The following DPF3 variants were observed in gnomAD, a reference collection of about 807,000 sequenced individuals.
DPF3 encodes the protein double PHD fingers 3.
A neutral mutation model predicts 56.8 loss-of-function variants in DPF3; 18 were observed. That is an observed-to-expected ratio of 0.32 (90% confidence interval 0.22 to 0.47). The LOEUF (loss-of-function observed/expected upper bound fraction) is 0.47, where lower values mean the gene tolerates loss of function less well. Ranked by LOEUF, DPF3 falls within the 20% of genes least tolerant of loss-of-function variation. The pLI is 1.00. For missense variants in DPF3, 403 were observed against 488.8 expected, an observed-to-expected ratio of 0.82 and a Z score of 1.65; for synonymous variants, 188 against 180.2, an observed-to-expected ratio of 1.04 and a Z score of -0.35.
At chr14:72,661,916 T>C in intron 8 of DPF3, 1 of 983,730 alleles carries the variant, frequency 1.0e-6, no homozygotes, top group Non-Finnish European at 1.2e-6. Context: ...TTCGAATCTA[T>C]TGAACTTGAG....
chr14:72,633,067 C>T (rs1404257463), intron 8 of DPF3, among the ~76,000 whole-genome samples: 1 of 152,106 alleles, frequency 6.6e-6, no homozygotes, highest in African/African-American at 2.4e-5. Context: ...CAGGACTTGA[C>T]TATTGTTTGA....
intron 8 of DPF3, among the ~76,000 whole-genome samples, chr14:72,657,010 C>A (rs534482664): frequency 6.6e-6 from 1 of 152,254 alleles, no homozygotes; most frequent in African/African-American, 2.4e-5. Flanking sequence ...CTCCACCATC[C>A]AAGGAAGAAC....
chr14:72,736,203 T>C (rs765450647), intron 3 of DPF3, among the ~76,000 whole-genome samples: 19 of 152,218 alleles, frequency 1.2e-4, no homozygotes, highest in Non-Finnish European at 2.6e-4. Context: ...AACATTACCA[T>C]TCAACATGAA....
At chr14:72,830,948 T>C (rs1249181712) in intron 1 of DPF3, among the ~76,000 whole-genome samples, 1 of 152,204 alleles carries the variant, frequency 6.6e-6, no homozygotes, top group East Asian at 1.9e-4. Context: ...GCCTCTGCCC[T>C]GGGCTCTGTG....
At chr14:72,656,055 T>C (rs1240523970) in intron 8 of DPF3, among the ~76,000 whole-genome samples, 2 of 152,090 alleles carry the variant, frequency 1.3e-5, no homozygotes, top group East Asian at 3.8e-4. Flanking sequence ...ATGTAACTGG[T>C]CAGTGCCTTT....
intron 1 of DPF3, among the ~76,000 whole-genome samples, chr14:72,861,269 G>C (rs953715526): frequency 1.3e-5 from 2 of 152,060 alleles, no homozygotes; most frequent in African/African-American, 4.8e-5. Flanking sequence ...GCTCTATTCA[G>C]AACTGTGACA....
At position 72,817,906 on chromosome 14, in the gene DPF3, C is replaced by CA. The variant is rs1286969015; in HGVS notation, c.33-46014dup. Among the ~76,000 whole-genome samples the CA allele has an allele frequency of 4.6e-5, 7 of 151,916 alleles. No individual in the cohort carries two copies. The South Asian group carries it at 6.2e-4, about 14-fold the overall frequency. On this transcript the variant is annotated intron_variant, in intron 1 of 10. Transcript: ENST00000556509. ...CATACCCTTTACTTCATGTTGTACACAAAAAATAACAAAATGGATCACAGA... is the reference window on the plus strand; with the variant it reads ...CATACCCTTTACTTCATGTTGTACACAAAAAAATAACAAAATGGATCACAGA...
chr14:72,751,396 A>G (rs1020944517), intron 3 of DPF3, among the ~76,000 whole-genome samples: 3 of 152,138 alleles, frequency 2.0e-5, no homozygotes, highest in Admixed American at 2.0e-4. Flanking sequence ...CATTCTGAGG[A>G]TGCACTCCAG....
At chr14:72,807,395 A>G (rs1042820795) in intron 1 of DPF3, among the ~76,000 whole-genome samples, 1 of 152,212 alleles carries the variant, frequency 6.6e-6, no homozygotes, top group African/African-American at 2.4e-5. Context: ...ATACATTATT[A>G]TTATTATTAC....
At chr14:72,673,246 C>G (rs1886768747) in intron 8 of DPF3, among the ~76,000 whole-genome samples, 1 of 152,200 alleles carries the variant, frequency 6.6e-6, no homozygotes, top group Non-Finnish European at 1.5e-5. Context: ...ATGGGGTCAT[C>G]TCAGTTCTTC....
intron 6 of DPF3, 146 bp downstream of exon 6, chr14:72,714,277 G>T: frequency 9.9e-7 from 1 of 1,011,148 alleles, no homozygotes; most frequent in Non-Finnish European, 1.4e-6. Flanking sequence ...CGGTGGAGGC[G>T]GCAGGCGAGT....
At chr14:72,811,492 T>C (rs1432433596) in intron 1 of DPF3, among the ~76,000 whole-genome samples, 2 of 152,290 alleles carry the variant, frequency 1.3e-5, no homozygotes, top group African/African-American at 4.8e-5. Flanking sequence ...CTTGGACTTT[T>C]AGCCTCCAGA....
intron 4 of DPF3, among the ~76,000 whole-genome samples, chr14:72,729,605 G>T (rs1049998195): frequency 1.3e-5 from 2 of 152,102 alleles, no homozygotes; most frequent in African/African-American, 4.8e-5. Context: ...AAAAAGAAAT[G>T]AGCTATCTGG....
chr14:72,879,735 T>C (rs1886255009), intron 1 of DPF3: 2 of 1,468,174 alleles, frequency 1.4e-6, no homozygotes, highest in South Asian at 2.7e-5. Context: ...GTCGTCTCTC[T>C]GGGCAGGGAC....
In DPF3 at chr14:72,855,244, A is replaced by T. The variant is rs1374712260; in HGVS notation, c.32+38813T>A. Among the ~76,000 whole-genome samples, 5 of 152,328 alleles carry T rather than the reference A, an allele frequency of 3.3e-5. No individual in the cohort carries two copies. The South Asian group carries it at 1.0e-3, about 32-fold the overall frequency. ...CATTTTTATCTGTGAGATGAACGAA[A>T]TGAAACCTCCAATGGTTTATTTGCC... On this transcript the variant is annotated intron_variant, in intron 1 of 10. Transcript: ENST00000556509.
chr14:72,880,067 A>T (rs1940028891), intron 1 of DPF3: 10 of 1,097,376 alleles, frequency 9.1e-6, no homozygotes, highest in African/African-American at 1.6e-5. Flanking sequence ...GCTCAGTAAC[A>T]GACATAGTAA....
Position 72,612,647 on chromosome 14 carries a change from A to C in DPF3, c.*6650T>G, listed in dbSNP as rs2153565006. The stretch of plus-strand genomic sequence containing the variant: ...GGGTCTCAGTGGGGAGTAGACATGG[A>C]AGGGCAAACCAAGTCCGTATAAACC... On this transcript the variant is annotated 3_prime_UTR_variant, in exon 11 of 11. Coordinates refer to ENST00000556509, the MANE Select transcript of DPF3 (RefSeq NM_001280542.3). 1.9e-6 allele frequency: 1 copy of C among 518,306 alleles called. No individual in the cohort carries two copies. The highest frequency in any genetic ancestry group is 1.9e-5 in the African/African-American group (1 of 52,038). The allele number at this position is 518,306 out of a possible 1,614,324, so 32.1% of individuals were successfully genotyped here. A position where few individuals can be genotyped will look rare whatever the true frequency, so the allele number is the denominator to read the frequency against.
chr14:72,858,587 G>A (rs1341510549), intron 1 of DPF3, among the ~76,000 whole-genome samples: 1 of 152,192 alleles, frequency 6.6e-6, no homozygotes, highest in Non-Finnish European at 1.5e-5. Flanking sequence ...ACTAAGATAG[G>A]GGGTGGGGGA....
In DPF3 at chr14:72,640,584, T is replaced by C. The variant is rs181319510; in HGVS notation, c.872-10848A>G. On this transcript the variant is annotated intron_variant, in intron 8 of 10. Coordinates refer to ENST00000556509, the MANE Select transcript of DPF3 (RefSeq NM_001280542.3). ...AGGAGGAAACATTTGAGAGGTAGAA[T>C]TGGTCAATAGGACGTGATACCTGCT... is the stretch of plus-strand genomic sequence containing the variant. 9.2e-5 allele frequency among the ~76,000 whole-genome samples: 14 copies of C among 152,262 alleles called. No individual in the cohort carries two copies. The East Asian group carries it at 2.5e-3, about 27-fold the overall frequency.
Sources: gnomAD v4.1 joint callset for allele counts (sites outside exome capture counted in the v4.1 genomes callset) on GRCh38, gnomAD v4.1.1 for gene constraint, MANE v1.5 for transcripts, NCBI Gene and HGNC (gene_info 2026-07-23, HGNC 2026-07-21) for gene names.